The following CTBP1 variants were observed in gnomAD, a reference collection of about 807,000 sequenced individuals.
The protein encoded by CTBP1 is C-terminal-binding protein 1.
A neutral mutation model predicts 42.1 loss-of-function variants in CTBP1; 11 were observed. The ratio of observed to expected loss-of-function variants is 0.26; its 90% confidence interval spans 0.16 to 0.43. CTBP1 has a LOEUF of 0.43. CTBP1 is among the 20% of genes least tolerant of loss of function. CTBP1 has a pLI of 1.00. For synonymous variants in CTBP1, 324 were observed against 277.1 expected (o/e 1.17, Z -1.68); for missense variants, 399 against 624.3 (o/e 0.64, Z 3.85).
intron 3 of CTBP1, chr4:1,236,318 T>G (rs769899405): frequency 7.8e-6 from 3 of 384,846 alleles, no homozygotes; most frequent in Non-Finnish European, 1.4e-5. Context: ...GTGGGTCTCC[T>G]GAGCAAACAA....
In CTBP1 at chr4:1,212,249, G is replaced by A. The variant is rs2108694958; in HGVS notation, c.1281C>T (p.Asp427=). The A allele has an allele frequency of 1.3e-6, 2 of 1,502,548 alleles. No homozygotes were observed. Among genetic ancestry groups the A allele is most frequent in the Non-Finnish European group, 1.8e-6 (2 of 1,125,192 alleles). The allele number at this position is 1,502,548 out of a possible 1,614,324, so 93.1% of individuals were successfully genotyped here. A position where few individuals can be genotyped will look rare whatever the true frequency, so the allele number is the denominator to read the frequency against. ...GAGAGCTCCTCCCGGGCTACAACTG[G>A]TCACTGGCGTGGTCTCTATCCGCCT... The part of the protein sequence containing the change: ...KPEADRDHAS[D]QL The change falls in exon 10 of 10, where the codon GAC becomes GAT. Residue 427 remains aspartate, a synonymous_variant. Transcript: ENST00000382952.
chr4:1,235,038 C>G lies in CTBP1; in HGVS notation c.162+3145G>C, dbSNP rs1731342371. 1 of 152,264 alleles carries G rather than the reference C, an allele frequency of 6.6e-6. No homozygotes were observed. The highest frequency in any genetic ancestry group is 1.5e-5 in the Non-Finnish European group (1 of 68,098). The allele number at this position is 152,264 out of a possible 1,614,324, so 9.4% of individuals were successfully genotyped here. A position where few individuals can be genotyped will look rare whatever the true frequency, so the allele number is the denominator to read the frequency against. ...AGCTTCTTCACTCGCCATCATGCTG[C>G]CGAGATCACCCAGGGTGTGGCAGGG... On this transcript the variant is annotated intron_variant, in intron 3 of 9. Coordinates refer to ENST00000382952, the MANE Select transcript of CTBP1 (RefSeq NM_001012614.2). This position sits in a 1 kb window ranked among gnomAD's most constrained non-coding sequence, Gnocchi z 4.2.
chr4:1,242,646 A>G (rs1732297679), intron 1 of CTBP1: 2 of 985,226 alleles, frequency 2.0e-6, no homozygotes, highest in African/African-American at 3.5e-5. Context: ...ACCACTCCTC[A>G]TGGCAGGTGC....
intron 3 of CTBP1, chr4:1,237,890 T>C (rs1344547958): frequency 1.4e-6 from 1 of 698,808 alleles, no homozygotes; most frequent in South Asian, 1.5e-5. Flanking sequence ...AAACCGAATG[T>C]CCACCTCCTG....
At chr4:1,229,267 T>C (rs1190020120) in intron 3 of CTBP1, among the ~76,000 whole-genome samples, 1 of 152,166 alleles carries the variant, frequency 6.6e-6, no homozygotes, top group Admixed American at 6.5e-5. Flanking sequence ...GGGATGTGTG[T>C]GCACCACCTG....
intron 4 of CTBP1, 125 bp from the exon 5 acceptor site, chr4:1,225,691 A>AT: frequency 9.5e-7 from 1 of 1,050,860 alleles, no homozygotes; most frequent in Non-Finnish European, 1.3e-6. Flanking sequence ...CGTGTCCCCA[A>AT]GGCCACCCCG....
rs754436909 is a variant in CTBP1 at position 1,216,213 on chromosome 4, C to T, written c.515-8G>A. 7.5e-6 allele frequency: 12 copies of T among 1,607,098 alleles called. No individual in the cohort carries two copies. The highest frequency in any genetic ancestry group is 2.3e-4 in the Middle Eastern group (1 of 4,422). On this transcript the variant is annotated splice_polypyrimidine_tract_variant and splice_region_variant and intron_variant, in intron 5 of 9. Transcript: ENST00000382952. ...CTGCCTGCCCCACGCGACCTGGTGG[C>T]GTCAAGACACAGTGTGAGACCCTTG...
chr4:1,223,478 C>T (rs1483085538), intron 5 of CTBP1: 5 of 456,134 alleles, frequency 1.1e-5, no homozygotes, highest in East Asian at 7.0e-5. Flanking sequence ...CAAACGCTGG[C>T]GGGACAAGGA....
At chr4:1,213,806 G>T in intron 7 of CTBP1, 1 of 618,854 alleles carries the variant, frequency 1.6e-6, no homozygotes, top group Non-Finnish European at 2.6e-6. Context: ...CCTGACAGCG[G>T]CGGGTGTGGG....
At chr4:1,223,232 T>C (rs769589215) in intron 5 of CTBP1, among the ~76,000 whole-genome samples, 4 of 148,840 alleles carry the variant, frequency 2.7e-5, no homozygotes, top group Non-Finnish European at 4.5e-5. Flanking sequence ...GGCCCTGACA[T>C]AGGAGGGGCC....
chr4:1,215,690 G>C (rs1409354651), intron 6 of CTBP1: 1 of 448,538 alleles, frequency 2.2e-6, no homozygotes, highest in Non-Finnish European at 4.1e-6. Flanking sequence ...AACGCCCCCA[G>C]GTAGCTGCAT....
chr4:1,212,023 T>A lies in CTBP1; in HGVS notation c.*217A>T. On this transcript the variant is annotated 3_prime_UTR_variant, in exon 10 of 10. Transcript: ENST00000382952. The stretch of plus-strand genomic sequence containing the variant: ...TGGGAGAATAACTACTGACTTCTTC[T>A]GCTTAACGAGGAACGCGAAGGACAC... The A allele has an allele frequency of 2.5e-6, 1 of 396,702 alleles. No individual in the cohort carries two copies. The highest frequency in any genetic ancestry group is 4.4e-6 in the Non-Finnish European group (1 of 224,996). The allele number at this position is 396,702 out of a possible 1,614,324, so 24.6% of individuals were successfully genotyped here.
intron 8 of CTBP1, 144 bp downstream of exon 8, chr4:1,213,334 G>T: frequency 7.5e-7 from 1 of 1,336,164 alleles, no homozygotes. Flanking sequence ...GGCCTTAGAG[G>T]TCCCTGCTGG....
chr4:1,219,516 G>A (rs1729505220), intron 5 of CTBP1, among the ~76,000 whole-genome samples: 1 of 152,208 alleles, frequency 6.6e-6, no homozygotes, highest in South Asian at 2.1e-4. Context: ...ATGGTGAAAT[G>A]TCAGAAACTT....
chr4:1,220,929 C>A (rs763992450), intron 5 of CTBP1, among the ~76,000 whole-genome samples: 7 of 152,324 alleles, frequency 4.6e-5, no homozygotes, highest in Admixed American at 2.0e-4. Context: ...TTCCTCAGGA[C>A]ACAAAAGGTA....
rs577229715 is a variant in CTBP1, at chr4:1,214,580, C to A, written c.730-107G>T. ...CCGTTGGGAAGGCCCAGCTCCCTAG[C>A]CCCTTCCCAGCCCCACCCTGGGCTC... On this transcript the variant is annotated intron_variant, in intron 6 of 9. Transcript: ENST00000382952. 8.7e-6 allele frequency: 12 copies of A among 1,376,086 alleles called. No homozygotes were observed. The East Asian group carries it at 3.5e-4, about 40-fold the overall frequency. The allele number at this position is 1,376,086 out of a possible 1,614,324, so 85.2% of individuals were successfully genotyped here.
Position 1,228,208 on chromosome 4 carries a change from C to T in CTBP1, c.298G>A (p.Gly100Arg), listed in dbSNP as rs753967411. 2.5e-6 allele frequency: 4 copies of T among 1,614,122 alleles called. No homozygotes were observed. The highest frequency in any genetic ancestry group is 1.3e-5 in the African/African-American group (1 of 75,048). The change falls in exon 4 of 10, where the codon GGG becomes AGG. Residue 100 changes from glycine to arginine, a missense_variant. Gly to Arg is a moderately radical substitution (Grantham distance 125). This residue lies in a region of CTBP1 where 309 missense variants were observed against 497.5 expected (regional missense o/e 0.62). Transcript: ENST00000382952. Reference protein sequence around the residue: ...GFDNIDIKSAGDLGIAVCNVP... With the variant: ...GFDNIDIKSARDLGIAVCNVP... ...CTCGGAGCCGGCCTACCTAAATCCC[C>T]GGCCGACTTGATGTCGATGTTGTCA... is the stretch of plus-strand genomic sequence containing the variant.
intron 2 of CTBP1, among the ~76,000 whole-genome samples, chr4:1,239,119 G>C (rs1346231336): frequency 1.3e-5 from 2 of 152,254 alleles, no homozygotes; most frequent in African/African-American, 4.8e-5. Context: ...GACCTTCCCA[G>C]AACCAGATGA....
At chr4:1,245,420 C>T in intron 1 of CTBP1, 1 of 985,390 alleles carries the variant, frequency 1.0e-6, no homozygotes, top group Non-Finnish European at 1.2e-6. Context: ...AGGGCTACAC[C>T]TTCCTCCCCT....
Sources: allele counts gnomAD v4.1 joint callset (sites outside exome capture counted in the v4.1 genomes callset), GRCh38; gene constraint gnomAD v4.1.1; regional missense constraint gnomAD v4.1.1; non-coding constraint Gnocchi (gnomAD v3.1); transcripts MANE v1.5; gene names NCBI Gene and HGNC (gene_info 2026-07-23, HGNC 2026-07-21).